The following RAB3GAP1 variants were observed in gnomAD, a reference collection of about 807,000 sequenced individuals.
The protein encoded by RAB3GAP1 is rab3 GTPase-activating protein catalytic subunit.
RAB3GAP1 carries 86 observed loss-of-function variants against 130.7 expected under a neutral mutation model. That is an observed-to-expected ratio of 0.66 (90% confidence interval 0.55 to 0.79). RAB3GAP1 has a LOEUF of 0.79. RAB3GAP1 is among the 30% of genes least tolerant of loss of function. The pLI is 0.00. For missense variants in RAB3GAP1, 1,029 were observed against 1,169.4 expected (o/e 0.88, Z 1.75); for synonymous variants, 367 against 401.7 (o/e 0.91, Z 1.03).
In RAB3GAP1 at chr2:135,169,180, G is replaced by T; in HGVS notation, c.*399G>T. ...TCGTGGTTCTATATATCAGCAGCAA[G>T]TGTGCAAAATAAAGGACCTGTTAAC... On this transcript the variant is annotated 3_prime_UTR_variant, in exon 24 of 24. Transcript: ENST00000264158. The T allele has an allele frequency of 3.6e-6, 1 of 280,066 alleles. No individual in the cohort carries two copies. The highest frequency in any genetic ancestry group is 4.1e-5 in the South Asian group (1 of 24,606). The allele number at this position is 280,066 out of a possible 1,614,324, so 17.3% of individuals were successfully genotyped here.
intron 19 of RAB3GAP1, among the ~76,000 whole-genome samples, chr2:135,154,622 C>G (rs1573604620): frequency 6.6e-6 from 1 of 152,210 alleles, no homozygotes; most frequent in East Asian, 1.9e-4. Flanking sequence ...ATACAGAAGA[C>G]TTAGATGAAA....
At chr2:135,117,786 G>GCTTCTTCTTCTTCTTCTTCTT (rs1164520454) in intron 7 of RAB3GAP1, among the ~76,000 whole-genome samples, 12 of 119,214 alleles carry the variant, frequency 1.0e-4, no homozygotes, top group South Asian at 2.6e-4. Context: ...TGCTTCTTCT[G>GCTTCTTCTTCTTCTTCTTCTT]CTTCTTCTTC....
chr2:135,134,097 G>A (rs1431486016), intron 15 of RAB3GAP1, 64 bp downstream of exon 15: 26 of 1,590,048 alleles, frequency 1.6e-5, no homozygotes, highest in Non-Finnish European at 2.2e-5. Flanking sequence ...TTTGACTTTT[G>A]ACCTATTTTT....
At chr2:135,086,339 A>G (rs1217739808) in intron 3 of RAB3GAP1, among the ~76,000 whole-genome samples, 2 of 152,172 alleles carry the variant, frequency 1.3e-5, no homozygotes, top group South Asian at 2.1e-4. Flanking sequence ...TTAGCCGTGC[A>G]TGAGATTTCA....
At chr2:135,119,810 A>AATCTG (rs562728035) in intron 7 of RAB3GAP1, among the ~76,000 whole-genome samples, 194 of 152,360 alleles carry the variant, frequency 1.3e-3, no homozygotes, top group African/African-American at 4.4e-3. Flanking sequence ...AAGAGTATTG[A>AATCTG]ATCTGCATTT....
At chr2:135,078,162 A>G (rs1215668384) in intron 3 of RAB3GAP1, among the ~76,000 whole-genome samples, 3 of 152,176 alleles carry the variant, frequency 2.0e-5, no homozygotes, top group African/African-American at 4.8e-5. Flanking sequence ...TAAGAGATTT[A>G]TAGTTTTTAG....
rs1173567563 is a variant in RAB3GAP1 at position 135,146,199 on chromosome 2, CTTTTTTTTTTTT to C, written c.1924-4158_1924-4147del. On this transcript the variant is annotated intron_variant, in intron 17 of 23. Coordinates refer to ENST00000264158, the MANE Select transcript of RAB3GAP1 (RefSeq NM_012233.3). Reference sequence around the variant, plus strand: ...CCAAGTGTATAAGTGCATATTTGTTCTTTTTTTTTTTTTTTTTTTTTTTGAGACAAGGTCTTG... The same window carrying C: ...CCAAGTGTATAAGTGCATATTTGTTCTTTTTTTTTTTGAGACAAGGTCTTG... Among the ~76,000 whole-genome samples, 7 of 96,568 alleles carry C rather than the reference CTTTTTTTTTTTT, an allele frequency of 7.2e-5. No individual in the cohort carries two copies. The East Asian group carries it at 9.2e-4, about 13-fold the overall frequency. The allele number at this position is 96,568 out of a possible 152,430, so 63.4% of individuals were successfully genotyped here. A position where few individuals can be genotyped will look rare whatever the true frequency, so the allele number is the denominator to read the frequency against.
chr2:135,104,913 C>G (rs1690550781), intron 5 of RAB3GAP1, among the ~76,000 whole-genome samples: 1 of 151,764 alleles, frequency 6.6e-6, no homozygotes, highest in African/African-American at 2.4e-5. Flanking sequence ...AACAAAAAAA[C>G]AAATGGAAAC....
chr2:135,095,351 G>C (rs990129899), intron 5 of RAB3GAP1, among the ~76,000 whole-genome samples: 1 of 152,186 alleles, frequency 6.6e-6, no homozygotes, highest in Non-Finnish European at 1.5e-5. Flanking sequence ...CCCGGCCGCA[G>C]GCAGGCTTTT....
rs375903873 is a variant in RAB3GAP1 at position 135,107,434 on chromosome 2, G to A, written c.363-5717G>A. The stretch of plus-strand genomic sequence containing the variant: ...AATATTGCACAAAGGAAGGGGGAAG[G>A]AATGGAGTTATACTATATAAAATTG... On this transcript the variant is annotated intron_variant, in intron 5 of 23. Transcript: ENST00000264158. 9.3e-5 allele frequency among the ~76,000 whole-genome samples: 14 copies of A among 151,350 alleles called. No homozygotes were observed. The East Asian group carries it at 2.3e-3, about 25-fold the overall frequency.
Position 135,093,666 on chromosome 2 carries a change from C to T in RAB3GAP1, c.335C>T (p.Pro112Leu), listed in dbSNP as rs1690210981. The T allele has an allele frequency of 1.2e-6, 2 of 1,613,250 alleles. No homozygotes were observed. Among genetic ancestry groups the T allele is most frequent in the Non-Finnish European group, 1.7e-6 (2 of 1,179,200 alleles). The change falls in exon 5 of 24, where the codon CCT (proline) becomes CTT (leucine). Residue 112 changes from proline (P) to leucine (L), a missense_variant. Coordinates refer to ENST00000264158, the MANE Select transcript of RAB3GAP1 (RefSeq NM_012233.3). ...QDLLGMNNDF[P>L]PRAHCLVRWY... The stretch of plus-strand genomic sequence containing the variant: ...TTGCTGGGTATGAATAATGACTTTC[C>T]TCCAAGAGCACATTGCCTGGTAAGA...
intron 12 of RAB3GAP1, 63 bp from the exon 13 acceptor site, chr2:135,130,489 T>C: frequency 1.5e-6 from 2 of 1,335,834 alleles, no homozygotes; most frequent in Non-Finnish European, 2.1e-6. Flanking sequence ...CATCAATTTG[T>C]TCATCACTTT....
At chr2:135,080,935 G>C (rs529896088) in intron 3 of RAB3GAP1, among the ~76,000 whole-genome samples, 2 of 152,308 alleles carry the variant, frequency 1.3e-5, no homozygotes, top group African/African-American at 4.8e-5. Context: ...CACCTGTATA[G>C]AGTGGAATGT....
chr2:135,158,345 T>A (rs1692373479), intron 19 of RAB3GAP1, among the ~76,000 whole-genome samples: 1 of 152,038 alleles, frequency 6.6e-6, no homozygotes, highest in Non-Finnish European at 1.5e-5. Context: ...ACCTGGAACA[T>A]CCTGGATTGC....
chr2:135,163,551 T>C (rs1692533712), intron 22 of RAB3GAP1, among the ~76,000 whole-genome samples: 1 of 152,242 alleles, frequency 6.6e-6, no homozygotes, highest in Admixed American at 6.5e-5. Flanking sequence ...ACATCCTATG[T>C]GCCTTGCGAT....
chr2:135,069,094 G>C (rs1446080333), intron 3 of RAB3GAP1, among the ~76,000 whole-genome samples: 2 of 152,134 alleles, frequency 1.3e-5, no homozygotes, highest in Non-Finnish European at 2.9e-5. Context: ...GGTATCATTA[G>C]TAATAACAGT....
At chr2:135,164,556 C>T (rs781760239) in intron 22 of RAB3GAP1, 38 bp from the exon 23 acceptor site, 1 of 1,517,006 alleles carries the variant, frequency 6.6e-7, no homozygotes, top group South Asian at 1.1e-5. Flanking sequence ...CTGGACAGCT[C>T]ACTTTCCACC....
At chr2:135,155,963 A>T (rs1278715054) in intron 19 of RAB3GAP1, among the ~76,000 whole-genome samples, 1 of 152,072 alleles carries the variant, frequency 6.6e-6, no homozygotes, top group Admixed American at 6.5e-5. Flanking sequence ...GGGAGAGCAC[A>T]TATATATAAT....
rs933435529 is a variant in RAB3GAP1, at chr2:135,120,748, A to G, written c.649-71A>G. On this transcript the variant is annotated intron_variant, in intron 7 of 23. Coordinates refer to ENST00000264158, the MANE Select transcript of RAB3GAP1 (RefSeq NM_012233.3). Reference sequence around the variant, plus strand: ...TATTAATCCATTCCATAAGTTTGAAATTTTGATGTTGAATTAATATGAAAA... The same window carrying G: ...TATTAATCCATTCCATAAGTTTGAAGTTTTGATGTTGAATTAATATGAAAA... 3 of 1,141,546 alleles carry G rather than the reference A, an allele frequency of 2.6e-6. No individual in the cohort carries two copies. In the African/African-American group the frequency reaches 4.6e-5, roughly 17 times the overall value. 70.7% of individuals were successfully genotyped at this position (1,141,546 alleles called of 1,614,324 possible). A position where few individuals can be genotyped will look rare whatever the true frequency, so the allele number is the denominator to read the frequency against.
Sources: allele counts gnomAD v4.1 joint callset (sites outside exome capture counted in the v4.1 genomes callset), GRCh38; gene constraint gnomAD v4.1.1; transcripts MANE v1.5; gene names NCBI Gene and HGNC (gene_info 2026-07-23, HGNC 2026-07-21).